Variants in UBE2E2 observed in about 807,000 individuals in gnomAD.
The protein encoded by UBE2E2 is ubiquitin-conjugating enzyme E2 E2.
Under a neutral mutation model 24.7 loss-of-function variants are expected in UBE2E2, and 6 were observed. The ratio of observed to expected loss-of-function variants is 0.24; its 90% confidence interval spans 0.13 to 0.48. The LOEUF is 0.48. Among genes scored for constraint, UBE2E2 ranks in the 20% least tolerant of loss-of-function variants. The probability of loss-of-function intolerance (pLI) is 0.99; values close to 1 mark genes in which losing one functional copy is unlikely to be tolerated. For missense variants in UBE2E2, 169 were observed against 245.0 expected (o/e 0.69, Z 2.07); for synonymous variants, 104 against 83.6 (o/e 1.24, Z -1.33).
chr3:23,440,536 G>GC (rs1438069586), intron 3 of UBE2E2, among the ~76,000 whole-genome samples: 4 of 152,162 alleles, frequency 2.6e-5, no homozygotes, highest in Admixed American at 6.5e-5. Flanking sequence ...AAATCTTTCA[G>GC]CAACAAAAGA....
chr3:23,582,902 T>TGTG (rs1696521165), intron 5 of UBE2E2, among the ~76,000 whole-genome samples: 1 of 139,258 alleles, frequency 7.2e-6, no homozygotes, highest in African/African-American at 2.7e-5. Flanking sequence ...TGTTGTGTGT[T>TGTG]TGTTTGCTGT....
rs182033934 is a variant in UBE2E2, at chr3:23,360,424, A to G, written c.228-139184A>G. Among the ~76,000 whole-genome samples the G allele has an allele frequency of 5.3e-5, 8 of 152,352 alleles. No homozygotes were observed. In the East Asian group the frequency reaches 1.5e-3, roughly 29 times the overall value. On this transcript the variant is annotated intron_variant, in intron 3 of 5. Coordinates refer to ENST00000396703, the MANE Select transcript of UBE2E2 (RefSeq NM_152653.4). Reference sequence around the variant, plus strand: ...CTGTGGATACAAAGATGAATAAAACATGTTCTTTGTCCTCAAAGAGCTTGC... The same window carrying G: ...CTGTGGATACAAAGATGAATAAAACGTGTTCTTTGTCCTCAAAGAGCTTGC...
chr3:23,223,511 A>G (rs145599163), intron 3 of UBE2E2, among the ~76,000 whole-genome samples: 3,481 of 151,990 alleles, frequency 0.023, 58 homozygotes, highest in Non-Finnish European at 0.036. Context: ...TTTAAATTGG[A>G]TTATATATAT....
At chr3:23,389,010 A>G (rs968532391) in intron 3 of UBE2E2, among the ~76,000 whole-genome samples, 93 of 140,154 alleles carry the variant, frequency 6.6e-4, no homozygotes, top group African/African-American at 3.0e-3. Flanking sequence ...TCCAAAAAAA[A>G]AAAAAAAAGA....
At chr3:23,310,739 C>T (rs1694355200) in intron 3 of UBE2E2, among the ~76,000 whole-genome samples, 1 of 152,060 alleles carries the variant, frequency 6.6e-6, no homozygotes, top group Non-Finnish European at 1.5e-5. Flanking sequence ...TACGTACATG[C>T]ATGCATACTC....
chr3:23,366,637 AG>A (rs2125336498), intron 3 of UBE2E2, among the ~76,000 whole-genome samples: 1 of 152,204 alleles, frequency 6.6e-6, no homozygotes. Context: ...GGGAGGAGGG[AG>A]GGGATTGAAA....
intron 3 of UBE2E2, among the ~76,000 whole-genome samples, chr3:23,217,538 T>C (rs1696510411): frequency 6.6e-6 from 1 of 152,088 alleles, no homozygotes. Flanking sequence ...AAAAGTAGTG[T>C]AATGCAATAA....
intron 5 of UBE2E2, among the ~76,000 whole-genome samples, chr3:23,552,654 G>C (rs60028742): frequency 0.21 from 31,698 of 152,134 alleles, 3,498 homozygotes; most frequent in Non-Finnish European, 0.25. Context: ...TGTACAATCA[G>C]CTTCTTTACA....
chr3:23,224,547 C>A (rs9855305), intron 3 of UBE2E2, among the ~76,000 whole-genome samples: 3 of 49,912 alleles, frequency 6.0e-5, no homozygotes, highest in Non-Finnish European at 2.0e-4. Context: ...GTTCTAACAG[C>A]TTTTTTTTTT....
chr3:23,447,773 C>T (rs976105452), intron 3 of UBE2E2, among the ~76,000 whole-genome samples: 3 of 152,098 alleles, frequency 2.0e-5, no homozygotes, highest in Non-Finnish European at 4.4e-5. Context: ...GATAAGAAAT[C>T]ACTATATTAC....
At chr3:23,430,760 ATCC>A (rs1698042130) in intron 3 of UBE2E2, among the ~76,000 whole-genome samples, 2 of 152,126 alleles carry the variant, frequency 1.3e-5, no homozygotes, top group Non-Finnish European at 2.9e-5. Context: ...GCCTCAAGGA[ATCC>A]TCCTACCTCA....
intron 3 of UBE2E2, among the ~76,000 whole-genome samples, chr3:23,428,214 A>G (rs890056313): frequency 2.6e-5 from 4 of 152,244 alleles, no homozygotes; most frequent in Admixed American, 6.5e-5. Context: ...TGCGACCACA[A>G]TGGAGTTAAA....
intron 4 of UBE2E2, among the ~76,000 whole-genome samples, chr3:23,525,543 G>C (rs1262695767): frequency 6.6e-6 from 1 of 152,196 alleles, no homozygotes; most frequent in African/African-American, 2.4e-5. Context: ...TTTGAAAACT[G>C]TTATTCTCAA....
intron 5 of UBE2E2, among the ~76,000 whole-genome samples, chr3:23,574,698 A>G (rs560373201): frequency 1.3e-5 from 2 of 152,284 alleles, no homozygotes; most frequent in Admixed American, 6.5e-5. Context: ...ACTGCACTTC[A>G]TCCTGGACAA....
At chr3:23,529,541 G>T (rs1695074366) in intron 4 of UBE2E2, among the ~76,000 whole-genome samples, 1 of 152,234 alleles carries the variant, frequency 6.6e-6, no homozygotes, top group South Asian at 2.1e-4. Flanking sequence ...TCAAATTCTG[G>T]CTTCCACTTA....
intron 3 of UBE2E2, among the ~76,000 whole-genome samples, chr3:23,460,865 G>T (rs1245918879): frequency 1.3e-5 from 2 of 152,062 alleles, no homozygotes; most frequent in African/African-American, 2.4e-5. Context: ...TCACCTTTTG[G>T]CCATGTATGT....
chr3:23,360,100 G>A (rs1028394684), intron 3 of UBE2E2, among the ~76,000 whole-genome samples: 1 of 152,086 alleles, frequency 6.6e-6, no homozygotes, highest in Non-Finnish European at 1.5e-5. Context: ...TCCCCAAATG[G>A]AAAGGCCCCA....
chr3:23,563,000 T>C (rs2125505994), intron 5 of UBE2E2, among the ~76,000 whole-genome samples: 1 of 152,334 alleles, frequency 6.6e-6, no homozygotes, highest in Admixed American at 6.5e-5. Context: ...ATCAATTTTG[T>C]TGATCTTTTC....
chr3:23,220,931 G>A (rs1696617843), intron 3 of UBE2E2, among the ~76,000 whole-genome samples: 2 of 152,146 alleles, frequency 1.3e-5, no homozygotes, highest in South Asian at 4.1e-4. Flanking sequence ...CAGCTAGTGG[G>A]CCAGCAAATC....
Sources: allele counts gnomAD v4.1 joint callset (sites outside exome capture counted in the v4.1 genomes callset), GRCh38; gene constraint gnomAD v4.1.1; transcripts MANE v1.5; gene names NCBI Gene and HGNC (gene_info 2026-07-23, HGNC 2026-07-21).